The following COQ7 variants were observed in gnomAD, a reference collection of about 807,000 sequenced individuals.
COQ7 encodes NADPH-dependent 3-demethoxyubiquinone 3-hydroxylase, mitochondrial.
Under a neutral mutation model 25.0 loss-of-function variants are expected in COQ7, and 21 were observed. That is an observed-to-expected ratio of 0.84 (90% CI 0.60 to 1.21). The LOEUF is 1.21. Ranked by LOEUF, COQ7 falls within the 50% of genes most tolerant of loss-of-function variation. COQ7 has a pLI of 0.00. For synonymous variants in COQ7, 125 were observed against 112.4 expected, an observed-to-expected ratio of 1.11 and a Z score of -0.71; for missense variants, 311 against 296.2, an observed-to-expected ratio of 1.05 and a Z score of -0.37.
In COQ7 at chr16:19,073,977, G is replaced by A. The variant is rs1224651543; in HGVS notation, c.309G>A (p.Thr103=). The A allele has an allele frequency of 6.2e-7, 1 of 1,613,820 alleles. No individual in the cohort carries two copies. Among genetic ancestry groups the A allele is most frequent in the South Asian group, 1.1e-5 (1 of 91,044 alleles). The change falls in exon 3 of 6, where the codon ACG becomes ACA. Residue 103 remains threonine (T), a synonymous_variant. Coordinates refer to ENST00000321998, the MANE Select transcript of COQ7 (RefSeq NM_016138.5). The stretch of plus-strand genomic sequence containing the variant: ...AAAAGTTCAATGAGTTGATGGTTAC[G>A]TTCAGGGTCCGGCCAACAGTTCTGA... ...HLKKFNELMV[T]FRVRPTVLMP...
Position 19,067,632 on chromosome 16 carries a change from T to C in COQ7, c.-33T>C, listed in dbSNP as rs777012817. 9 of 1,613,532 alleles carry C rather than the reference T, an allele frequency of 5.6e-6. No homozygotes were observed. The East Asian group carries it at 1.8e-4, about 32-fold the overall frequency. ...CAAGGGCACTATTGGCCAGTTCCGT[T>C]CAACGAAGTGGTTGCTTTTTTTAGT... On this transcript the variant is annotated 5_prime_UTR_variant, in exon 1 of 6. Coordinates refer to ENST00000321998, the MANE Select transcript of COQ7 (RefSeq NM_016138.5).
chr16:19,076,016 G>C (rs1390612618), intron 4 of COQ7, among the ~76,000 whole-genome samples, 156 bp downstream of exon 4: 1 of 152,226 alleles, frequency 6.6e-6, no homozygotes, highest in Non-Finnish European at 1.5e-5. Context: ...CTGAGGAACA[G>C]AGAGGTGAAC....
chr16:19,077,137 C>G (rs1023638986), intron 4 of COQ7, among the ~76,000 whole-genome samples, 169 bp from the exon 5 acceptor site: 1 of 152,330 alleles, frequency 6.6e-6, no homozygotes, highest in Non-Finnish European at 1.5e-5. Flanking sequence ...TTTCTGGTTA[C>G]AGTGGCAGAG....
intron 2 of COQ7, 58 bp from the exon 3 acceptor site, chr16:19,073,863 G>A (rs981569812): frequency 2.3e-6 from 3 of 1,286,402 alleles, no homozygotes; most frequent in Non-Finnish European, 3.4e-6. Flanking sequence ...ATGCCGCTTG[G>A]ATGAGTGGGA....
Position 19,078,253 on chromosome 16 carries a change from T to C in COQ7, c.*95T>C. The C allele has an allele frequency of 2.3e-6, 2 of 868,860 alleles. No homozygotes were observed. The highest frequency in any genetic ancestry group is 3.4e-6 in the Non-Finnish European group (2 of 587,716). 53.8% of individuals were successfully genotyped at this position (868,860 alleles called of 1,614,324 possible). A position where few individuals can be genotyped will look rare whatever the true frequency, so the allele number is the denominator to read the frequency against. On this transcript the variant is annotated 3_prime_UTR_variant, in exon 6 of 6. Coordinates refer to ENST00000321998, the MANE Select transcript of COQ7 (RefSeq NM_016138.5). ...GTGTACAGTTATCGTTGTACTTTTG[T>C]ACAATGTGAATTTTGTTAATAAATT...
intron 2 of COQ7, among the ~76,000 whole-genome samples, chr16:19,073,453 A>G (rs1259350418): frequency 1.3e-5 from 2 of 152,146 alleles, no homozygotes; most frequent in African/African-American, 4.8e-5. Flanking sequence ...TGAGCTTGCT[A>G]CTGCACTACA....
intron 1 of COQ7, among the ~76,000 whole-genome samples, chr16:19,069,622 G>A (rs1962449682): frequency 6.6e-6 from 1 of 151,910 alleles, no homozygotes; most frequent in African/African-American, 2.4e-5. Context: ...TGATGACCAG[G>A]CTGGTCTCGA....
chr16:19,077,251 G>C, intron 4 of COQ7, 55 bp from the exon 5 acceptor site: 1 of 1,490,656 alleles, frequency 6.7e-7, no homozygotes, highest in Non-Finnish European at 9.4e-7. Context: ...AAATGAAATG[G>C]AACAGCAGGA....
At position 19,072,087 on chromosome 16, in the gene COQ7, G is replaced by C. The variant is rs755255895; in HGVS notation, c.233G>C (p.Ser78Thr). Residue 78 changes from serine (S) to threonine (T), a missense_variant, in exon 2 of 6, where the codon AGC (serine) becomes ACC (threonine). Transcript: ENST00000321998. ...CAGATGGCTGTCCTGGGTCGGACCA[G>C]CGTCGGGCCAGTCATTCAGGTGGGT... is the stretch of plus-strand genomic sequence containing the variant. ...AGQMAVLGRT[S>T]VGPVIQKMWD... is the part of the protein sequence containing the mutation. 2 of 1,614,180 alleles carry C rather than the reference G, an allele frequency of 1.2e-6. No homozygotes were observed. Among genetic ancestry groups the C allele is most frequent in the East Asian group, 2.2e-5 (1 of 44,884 alleles).
In COQ7 at chr16:19,071,932, T is replaced by A. The variant is rs372538461; in HGVS notation, c.78T>A (p.Tyr26Ter). The change falls in exon 2 of 6, where the codon TAT becomes TAA. Residue 26 changes from tyrosine to a stop codon, truncating the protein, a stop_gained. Coordinates refer to ENST00000321998, the MANE Select transcript of COQ7 (RefSeq NM_016138.5). LOFTEE classifies it high-confidence loss of function. ...RPGARRSLSA[Y>*]GRRTSVRFRS... ...GAATAAACACTTGCATTTCAGCTTA[T>A]GGAAGAAGAACCAGTGTCAGATTTC... 7.4e-6 allele frequency: 12 copies of A among 1,614,198 alleles called. No homozygotes were observed. The highest frequency in any genetic ancestry group is 9.3e-6 in the Non-Finnish European group (11 of 1,180,014).
Position 19,078,288 on chromosome 16 carries a change from G to T in COQ7, c.*130G>T, listed in dbSNP as rs74014442. On this transcript the variant is annotated 3_prime_UTR_variant, in exon 6 of 6. Transcript: ENST00000321998. Reference sequence around the variant, plus strand: ...ATTTTGTTAATAAATTATAAGGTTTGTTTTTTTTTTTTTAAACTCTGCAGT... The same window carrying T: ...ATTTTGTTAATAAATTATAAGGTTTTTTTTTTTTTTTTTAAACTCTGCAGT... 2,579 of 515,612 alleles carry T rather than the reference G, an allele frequency of 5.0e-3. 44 individuals are homozygous for T. The highest frequency in any genetic ancestry group is 0.041 in the African/African-American group (1,919 of 47,328). 31.9% of individuals were successfully genotyped at this position (515,612 alleles called of 1,614,324 possible).
At chr16:19,068,137 C>T (rs1962333721) in intron 1 of COQ7, 1 of 1,057,858 alleles carries the variant, frequency 9.5e-7, no homozygotes, top group Non-Finnish European at 1.1e-6. Context: ...CCAGCAGCCT[C>T]CGCTACTTCT....
chr16:19,072,432 C>G, intron 2 of COQ7: 1 of 263,846 alleles, frequency 3.8e-6, no homozygotes, highest in Non-Finnish European at 7.3e-6. Context: ...AGCCCTGCCC[C>G]CTACCGTGCC....
chr16:19,077,201 CCT>C (rs1962893211), intron 4 of COQ7, 103 bp from the exon 5 acceptor site: 2 of 933,250 alleles, frequency 2.1e-6, no homozygotes, highest in Non-Finnish European at 3.5e-6. Flanking sequence ...GAAAAGCTGG[CCT>C]CCCTGTCTTA....
At position 19,075,702 on chromosome 16, in the gene COQ7, C is replaced by T. The variant is rs377523419; in HGVS notation, c.368-19C>T. The T allele has an allele frequency of 3.2e-6, 5 of 1,544,032 alleles. No homozygotes were observed. Among genetic ancestry groups the T allele is most frequent in the Non-Finnish European group, 4.3e-6 (5 of 1,149,852 alleles). ...CATATCTGTCTCTTACTTTTCTGGT[C>T]TGGGTTTAACAATCCCAGGGGCGGG... is the stretch of plus-strand genomic sequence containing the variant. On this transcript the variant is annotated intron_variant, in intron 3 of 5. Transcript: ENST00000321998.
In COQ7 at chr16:19,072,050, A is replaced by T; in HGVS notation, c.196A>T (p.Ile66Phe). 1 of 1,614,226 alleles carries T rather than the reference A, an allele frequency of 6.2e-7. No homozygotes were observed. Among genetic ancestry groups the T allele is most frequent in the Admixed American group, 1.7e-5 (1 of 60,018 alleles). The change falls in exon 2 of 6, where the codon ATC becomes TTC. Residue 66 changes from isoleucine (I) to phenylalanine (F), a missense_variant. Coordinates refer to ENST00000321998, the MANE Select transcript of COQ7 (RefSeq NM_016138.5). ...DHAGEYGANRIYAGQMAVLGR... is the reference protein window; with the variant it reads ...DHAGEYGANRFYAGQMAVLGR... ...TGCAGGCGAATATGGAGCAAACCGC[A>T]TCTATGCCGGGCAGATGGCTGTCCT...
intron 3 of COQ7, among the ~76,000 whole-genome samples, chr16:19,074,924 A>C (rs1962755519): frequency 6.6e-6 from 1 of 152,210 alleles, no homozygotes; most frequent in Non-Finnish European, 1.5e-5. Flanking sequence ...GTTGCAGCCA[A>C]ATACTGTTCC....
intron 2 of COQ7, among the ~76,000 whole-genome samples, chr16:19,072,975 AGCTTGG>A (rs1236479055): frequency 2.6e-5 from 4 of 152,122 alleles, no homozygotes; most frequent in Non-Finnish European, 5.9e-5. Flanking sequence ...GTTTGAGACC[AGCTTGG>A]GCAATGTGAT....
chr16:19,071,351 G>A (rs1418169561), intron 1 of COQ7, among the ~76,000 whole-genome samples: 1 of 152,230 alleles, frequency 6.6e-6, no homozygotes, highest in Non-Finnish European at 1.5e-5. Flanking sequence ...GGCGAGGCTG[G>A]TCTCAAACTC....
Sources: gnomAD v4.1 joint callset for allele counts (sites outside exome capture counted in the v4.1 genomes callset) on GRCh38, gnomAD v4.1.1 for gene constraint, MANE v1.5 for transcripts, NCBI Gene and HGNC (gene_info 2026-07-23, HGNC 2026-07-21) for gene names.